The following GPATCH2L variants were observed in gnomAD, a reference collection of about 807,000 sequenced individuals.
The protein encoded by GPATCH2L is G patch domain-containing protein 2-like.
A neutral mutation model predicts 57.4 loss-of-function variants in GPATCH2L; 31 were observed. The ratio of observed to expected loss-of-function variants is 0.54; its 90% confidence interval spans 0.41 to 0.73. The LOEUF (loss-of-function observed/expected upper bound fraction) is 0.73, where lower values mean the gene tolerates loss of function less well. Among genes scored for constraint, GPATCH2L ranks in the 30% least tolerant of loss-of-function variants. The pLI is 0.00. For synonymous variants in GPATCH2L, 199 were observed against 210.7 expected (o/e 0.94, Z 0.48); for missense variants, 481 against 599.9 (o/e 0.80, Z 2.07).
At chr14:76,190,075 A>G (rs552846295) in intron 8 of GPATCH2L, among the ~76,000 whole-genome samples, 99 of 151,904 alleles carry the variant, frequency 6.5e-4, no homozygotes, top group Non-Finnish European at 1.1e-3. Flanking sequence ...ATTTTTTGCC[A>G]ACATTGGTTC....
At chr14:76,180,070 C>T (rs1377908044) in intron 7 of GPATCH2L, 2 of 149,030 alleles carry the variant, frequency 1.3e-5, no homozygotes, top group Non-Finnish European at 3.0e-5. Context: ...GTGGTAGGCG[C>T]CTGTAATCCC....
chr14:76,220,680 T>G (rs1253995956), intron 1 of GPATCH2L, among the ~76,000 whole-genome samples: 1 of 152,184 alleles, frequency 6.6e-6, no homozygotes, highest in Non-Finnish European at 1.5e-5. Flanking sequence ...GAATTTATCA[T>G]ATGCTGGTCT....
chr14:76,160,865 G>A, intron 2 of GPATCH2L, among the ~76,000 whole-genome samples: 1 of 152,160 alleles, frequency 6.6e-6, no homozygotes, highest in East Asian at 1.9e-4. Flanking sequence ...ACTTCTCTGA[G>A]GCACAGCCCC....
rs984441086 is a variant in GPATCH2L at position 76,203,285 on chromosome 14, G to A, written c.*1434G>A. 3.3e-5 allele frequency: 5 copies of A among 152,200 alleles called. No homozygotes were observed. The highest frequency in any genetic ancestry group is 1.2e-4 in the African/African-American group (5 of 41,428). The allele number at this position is 152,200 out of a possible 1,614,324, so 9.4% of individuals were successfully genotyped here. On this transcript the variant is annotated 3_prime_UTR_variant, in exon 10 of 10. Transcript: ENST00000261530. ...GTTGGAAAAGGGGACTTGAAGCTAA[G>A]TTTACATGGCACTTTAAGACTGAGA...
At chr14:76,181,688 A>G (rs1437830780) in intron 8 of GPATCH2L, among the ~76,000 whole-genome samples, 2 of 152,160 alleles carry the variant, frequency 1.3e-5, no homozygotes, top group African/African-American at 4.8e-5. Context: ...CCTTACAAAT[A>G]TAAATTCTTT....
intron 2 of GPATCH2L, among the ~76,000 whole-genome samples, chr14:76,231,880 A>G (rs892747970): frequency 1.2e-4 from 2 of 16,374 alleles, no homozygotes; most frequent in African/African-American, 2.2e-4. Context: ...GATGTGTTAC[A>G]TAGCCATCCT....
chr14:76,155,032 T>C lies in GPATCH2L; in HGVS notation c.662+7T>C, dbSNP rs200600695. 1 of 1,600,274 alleles carries C rather than the reference T, an allele frequency of 6.2e-7. No homozygotes were observed. Among genetic ancestry groups the C allele is most frequent in the Non-Finnish European group, 8.5e-7 (1 of 1,174,194 alleles). On this transcript the variant is annotated splice_region_variant and intron_variant, in intron 2 of 9. Coordinates refer to ENST00000261530, the MANE Select transcript of GPATCH2L (RefSeq NM_017926.4). ...ATGAGAACATGTCAGAATGGTGAGA[T>C]CTCCCTTACTAAGTCAAAGATTTTC...
rs765114545 is a variant in GPATCH2L, at chr14:76,201,737, CA to C, written c.1338del (p.Lys446AsnfsTer9). On this transcript the variant is annotated frameshift_variant, in exon 10 of 10. Transcript: ENST00000261530. LOFTEE classifies it high-confidence loss of function. ...EPTTPASQAPKSPSSEWLVRT... is the reference protein window; with the variant it reads ...EPTTPASQAPXSPSSEWLVRT... Reference sequence around the variant, plus strand: ...CAACCACACCAGCATCACAAGCCCCCAAATCACCCAGCTCTGAGTGGTTGGT... The same window carrying C: ...CAACCACACCAGCATCACAAGCCCCCAATCACCCAGCTCTGAGTGGTTGGT... The C allele has an allele frequency of 2.9e-5, 46 of 1,613,682 alleles. No homozygotes were observed. The highest frequency in any genetic ancestry group is 3.7e-5 in the Non-Finnish European group (44 of 1,179,820).
In GPATCH2L at chr14:76,212,653, A is replaced by G. The variant is rs938295450; in HGVS notation, c.*10802A>G. The G allele has an allele frequency of 1.3e-5, 2 of 152,198 alleles. No individual in the cohort carries two copies. The highest frequency in any genetic ancestry group is 6.5e-5 in the Admixed American group (1 of 15,272). 9.4% of individuals were successfully genotyped at this position (152,198 alleles called of 1,614,324 possible). A position where few individuals can be genotyped will look rare whatever the true frequency, so the allele number is the denominator to read the frequency against. On this transcript the variant is annotated 3_prime_UTR_variant, in exon 10 of 10. Coordinates refer to ENST00000261530, the MANE Select transcript of GPATCH2L (RefSeq NM_017926.4). Reference sequence around the variant, plus strand: ...AAGATACAGAAGATCTAGTTGATGCATATTAGACTTTACCCTAAAAGTGGT... The same window carrying G: ...AAGATACAGAAGATCTAGTTGATGCGTATTAGACTTTACCCTAAAAGTGGT...
chr14:76,185,693 C>T (rs568045459), intron 8 of GPATCH2L, among the ~76,000 whole-genome samples: 103 of 152,322 alleles, frequency 6.8e-4, no homozygotes, highest in African/African-American at 2.3e-3. Context: ...TAGCAAAGCA[C>T]TGATATCTTC....
At chr14:76,192,379 G>T (rs1486312238) in intron 8 of GPATCH2L, among the ~76,000 whole-genome samples, 1 of 152,066 alleles carries the variant, frequency 6.6e-6, no homozygotes, top group Non-Finnish European at 1.5e-5. Flanking sequence ...TCTAGGAAGG[G>T]ACATAGAGAA....
chr14:76,169,884 G>A (rs537979662), intron 3 of GPATCH2L, among the ~76,000 whole-genome samples: 11 of 152,212 alleles, frequency 7.2e-5, no homozygotes, highest in Admixed American at 5.2e-4. Context: ...TTAGAGTAGC[G>A]GTTCTCAAAA....
chr14:76,165,904 A>G (rs1335313912), intron 2 of GPATCH2L, among the ~76,000 whole-genome samples: 2 of 152,220 alleles, frequency 1.3e-5, no homozygotes, highest in Non-Finnish European at 2.9e-5. Flanking sequence ...CTTGGAAGGA[A>G]ATAATCCCAA....
At chr14:76,192,350 CTTCCCTCCCCAAATCT>C (rs1178076576) in intron 8 of GPATCH2L, among the ~76,000 whole-genome samples, 1 of 152,090 alleles carries the variant, frequency 6.6e-6, no homozygotes, top group Non-Finnish European at 1.5e-5. Context: ...CATTTCTCTT[CTTCCCTCCCCAAATCT>C]TGTCTAGGAA....
chr14:76,182,363 G>GAAAAAAAAAA (rs3059799), intron 8 of GPATCH2L, among the ~76,000 whole-genome samples: 6 of 85,604 alleles, frequency 7.0e-5, no homozygotes, highest in African/African-American at 9.3e-5. Context: ...TCTCAGAAAA[G>GAAAAAAAAAA]AAAAAAAAAA....
In GPATCH2L at chr14:76,202,536, T is replaced by TAC. The variant is rs34957782; in HGVS notation, c.*711_*712dup. On this transcript the variant is annotated 3_prime_UTR_variant, in exon 10 of 10. Transcript: ENST00000261530. ...GTTCTACTGAAAGAGGACGTGTGTATACACACACACACACACACACACACA... is the reference window on the plus strand; with the variant it reads ...GTTCTACTGAAAGAGGACGTGTGTATACACACACACACACACACACACACACA... 54 of 134,170 alleles carry TAC rather than the reference T, an allele frequency of 4.0e-4. No individual in the cohort carries two copies. Among genetic ancestry groups the TAC allele is most frequent in the South Asian group, 2.0e-3 (7 of 3,534 alleles). The allele number at this position is 134,170 out of a possible 1,614,324, so 8.3% of individuals were successfully genotyped here.
At chr14:76,191,968 G>T (rs553827084) in intron 8 of GPATCH2L, among the ~76,000 whole-genome samples, 1 of 152,008 alleles carries the variant, frequency 6.6e-6, no homozygotes, top group Admixed American at 6.6e-5. Flanking sequence ...AGTATCCTCT[G>T]TTCTACTTTT....
At chr14:76,163,287 G>A (rs1191361763) in intron 2 of GPATCH2L, among the ~76,000 whole-genome samples, 1 of 152,138 alleles carries the variant, frequency 6.6e-6, no homozygotes, top group African/African-American at 2.4e-5. Flanking sequence ...TTAATATAAA[G>A]TGCTTAGTAT....
At chr14:76,160,468 A>AC (rs147110880) in intron 2 of GPATCH2L, among the ~76,000 whole-genome samples, 100 of 152,340 alleles carry the variant, frequency 6.6e-4, no homozygotes, top group African/African-American at 2.3e-3. Flanking sequence ...AAACAAAGAG[A>AC]CCAAGTCTGT....
Sources: allele counts gnomAD v4.1 joint callset (sites outside exome capture counted in the v4.1 genomes callset), GRCh38; gene constraint gnomAD v4.1.1; transcripts MANE v1.5; gene names NCBI Gene and HGNC (gene_info 2026-07-23, HGNC 2026-07-21).